Variants in CNTN5 observed in about 807,000 individuals in gnomAD.
The protein encoded by CNTN5 is contactin 5.
CNTN5 carries 77 observed loss-of-function variants against 129.1 expected under a neutral mutation model. The ratio of observed to expected loss-of-function variants is 0.60; its 90% confidence interval spans 0.50 to 0.72. The LOEUF (loss-of-function observed/expected upper bound fraction) is 0.72, where lower values mean the gene tolerates loss of function less well. CNTN5 is among the 30% of genes least tolerant of loss of function. The probability of loss-of-function intolerance (pLI) is 0.00; values close to 1 mark genes in which losing one functional copy is unlikely to be tolerated. For synonymous variants in CNTN5, 509 were observed against 465.6 expected (o/e 1.09, Z -1.20); for missense variants, 1,478 against 1,328.8 (o/e 1.11, Z -1.75).
chr11:99,918,096 G>T (rs1178190904), intron 7 of CNTN5, among the ~76,000 whole-genome samples: 4 of 152,016 alleles, frequency 2.6e-5, no homozygotes, highest in African/African-American at 7.2e-5. Context: ...TTCATGTCAT[G>T]GAAATCTACA....
intron 3 of CNTN5, among the ~76,000 whole-genome samples, chr11:99,565,472 A>T (rs1386117785): frequency 6.6e-6 from 1 of 152,198 alleles, no homozygotes; most frequent in East Asian, 1.9e-4. Context: ...ATAATAAGAC[A>T]ACCTTTGTTT....
intron 2 of CNTN5, among the ~76,000 whole-genome samples, chr11:99,344,922 A>G (rs1937719375): frequency 6.6e-6 from 1 of 152,212 alleles, no homozygotes; most frequent in African/African-American, 2.4e-5. Context: ...ACAAGATTAG[A>G]CATTTCTGGA....
At chr11:99,989,372 C>A (rs1199472381) in intron 8 of CNTN5, among the ~76,000 whole-genome samples, 7 of 152,016 alleles carry the variant, frequency 4.6e-5, no homozygotes, top group African/African-American at 1.7e-4. Flanking sequence ...GAAGCAGAAT[C>A]CTAATTTGTT....
chr11:99,553,656 G>A lies in CNTN5; in HGVS notation c.-70-2489G>A, dbSNP rs553890915. The stretch of plus-strand genomic sequence containing the variant: ...AAATATGATACGTAAGTGAGGTGAT[G>A]GATATCTTAATTAGCTTGATTTAAT... On this transcript the variant is annotated intron_variant, in intron 2 of 24. Transcript: ENST00000524871. Among the ~76,000 whole-genome samples, 8 of 151,830 alleles carry A rather than the reference G, an allele frequency of 5.3e-5. No individual in the cohort carries two copies. In the South Asian group the frequency reaches 1.7e-3, roughly 32 times the overall value.
rs377510097 is a variant in CNTN5 at position 100,158,918 on chromosome 11, G to A, written c.1581-32208G>A. Among the ~76,000 whole-genome samples, 71 of 151,952 alleles carry A rather than the reference G, an allele frequency of 4.7e-4. 1 individual carries two copies. Among genetic ancestry groups the A allele is most frequent in the African/African-American group, 1.6e-3 (68 of 41,496 alleles). ...CTAGCAAAAACTGAAAACCACCCAC[G>A]TGTCCATCAACAATGAAATGATAAA... On this transcript the variant is annotated intron_variant, in intron 13 of 24. Coordinates refer to ENST00000524871, the MANE Select transcript of CNTN5 (RefSeq NM_014361.4).
intron 8 of CNTN5, among the ~76,000 whole-genome samples, chr11:99,966,723 T>A (rs1204324170): frequency 6.6e-6 from 1 of 152,206 alleles, no homozygotes; most frequent in Non-Finnish European, 1.5e-5. Flanking sequence ...TGAGCGTAGA[T>A]CATTTTCACA....
chr11:99,202,442 A>C (rs186673604), intron 1 of CNTN5, among the ~76,000 whole-genome samples: 1 of 152,326 alleles, frequency 6.6e-6, no homozygotes, highest in African/African-American at 2.4e-5. Flanking sequence ...ACTTTCAAAT[A>C]TACAGCAGAT....
At chr11:100,254,761 A>G (rs1950033946) in intron 16 of CNTN5, among the ~76,000 whole-genome samples, 2 of 151,936 alleles carry the variant, frequency 1.3e-5, no homozygotes, top group South Asian at 4.1e-4. Flanking sequence ...CATGTCTCTT[A>G]ATCAACAAAT....
intron 3 of CNTN5, among the ~76,000 whole-genome samples, chr11:99,731,415 T>C (rs924428020): frequency 1.3e-5 from 2 of 152,164 alleles, no homozygotes; most frequent in African/African-American, 4.8e-5. Context: ...TTTAGTTAAC[T>C]CTCTTTGTCA....
intron 6 of CNTN5, among the ~76,000 whole-genome samples, chr11:99,896,896 T>A (rs1565651588): frequency 6.6e-6 from 1 of 152,108 alleles, no homozygotes; most frequent in Non-Finnish European, 1.5e-5. Context: ...CCCAGAGCCC[T>A]GTTAAAAACA....
intron 24 of CNTN5, among the ~76,000 whole-genome samples, chr11:100,353,027 T>C (rs1952450132): frequency 6.6e-6 from 1 of 151,540 alleles, no homozygotes; most frequent in Non-Finnish European, 1.5e-5. Context: ...TCTCTGACTC[T>C]CTAAGGTTAC....
chr11:99,815,534 CTTAT>C (rs1946559540), intron 3 of CNTN5, among the ~76,000 whole-genome samples: 1 of 152,240 alleles, frequency 6.6e-6, no homozygotes, highest in South Asian at 2.1e-4. Context: ...AAGGACTGGG[CTTAT>C]TTGTCAAATA....
chr11:99,493,243 G>T (rs1259499578), intron 2 of CNTN5, among the ~76,000 whole-genome samples: 2 of 152,106 alleles, frequency 1.3e-5, no homozygotes, highest in Non-Finnish European at 2.9e-5. Flanking sequence ...AGACAAAATC[G>T]CCTAAAGAAT....
intron 1 of CNTN5, among the ~76,000 whole-genome samples, chr11:99,250,047 T>A (rs1444305935): frequency 6.6e-6 from 1 of 152,010 alleles, no homozygotes. Flanking sequence ...GGATCATTAG[T>A]TGCTTCTCAG....
At chr11:99,853,096 C>G (rs184728732) in intron 6 of CNTN5, among the ~76,000 whole-genome samples, 1 of 152,060 alleles carries the variant, frequency 6.6e-6, no homozygotes, top group African/African-American at 2.4e-5. Context: ...CAGATAGAGA[C>G]TATTCTAAGA....
At chr11:99,397,016 T>C (rs920877860) in intron 2 of CNTN5, among the ~76,000 whole-genome samples, 2 of 151,696 alleles carry the variant, frequency 1.3e-5, no homozygotes, top group East Asian at 1.9e-4. Flanking sequence ...GTTTGACAAA[T>C]TGCCTAAAAT....
intron 1 of CNTN5, among the ~76,000 whole-genome samples, chr11:99,268,966 T>C (rs1406551805): frequency 6.6e-6 from 1 of 151,990 alleles, no homozygotes; most frequent in Non-Finnish European, 1.5e-5. Flanking sequence ...AATCTCTTGA[T>C]GTAAGCATTT....
chr11:99,136,395 C>T (rs1201429309), intron 1 of CNTN5, among the ~76,000 whole-genome samples: 1 of 152,032 alleles, frequency 6.6e-6, no homozygotes, highest in African/African-American at 2.4e-5. Context: ...AAGTATATAT[C>T]CCAAACCTAA....
chr11:99,781,412 A>C (rs1945305885), intron 3 of CNTN5, among the ~76,000 whole-genome samples: 1 of 152,100 alleles, frequency 6.6e-6, no homozygotes, highest in African/African-American at 2.4e-5. Context: ...CTTAATAATA[A>C]CTTCTTAAGA....
Sources: allele counts gnomAD v4.1 joint callset (sites outside exome capture counted in the v4.1 genomes callset), GRCh38; gene constraint gnomAD v4.1.1; transcripts MANE v1.5; gene names NCBI Gene and HGNC (gene_info 2026-07-23, HGNC 2026-07-21).